Variants in ANK2 observed in about 807,000 individuals in gnomAD.
ANK2 encodes the protein ankyrin-2.
A neutral mutation model predicts 360.5 loss-of-function variants in ANK2; 83 were observed. The ratio of observed to expected loss-of-function variants is 0.23; its 90% CI spans 0.19 to 0.28. The LOEUF (loss-of-function observed/expected upper bound fraction) is 0.28, where lower values mean the gene tolerates loss of function less well. Ranked by LOEUF, ANK2 falls within the 10% of genes least tolerant of loss-of-function variation. The pLI, the probability that ANK2 is intolerant of heterozygous loss-of-function variation, is 1.00. For synonymous variants in ANK2, 1,740 were observed against 1,759.5 expected (o/e 0.99, Z 0.28); for missense variants, 4,201 against 4,795.7 (o/e 0.88, Z 3.66).
intron 1 of ANK2, chr4:113,151,222 A>G: frequency 1.0e-6 from 1 of 977,792 alleles, no homozygotes; most frequent in Non-Finnish European, 1.4e-6. Context: ...ATGTACCCTT[A>G]CTGCAATTGC....
intron 1 of ANK2, among the ~76,000 whole-genome samples, chr4:113,097,877 C>A: frequency 7.6e-6 from 1 of 131,788 alleles, no homozygotes; most frequent in Non-Finnish European, 1.6e-5. Context: ...TATATATATG[C>A]ACACACACAC....
rs553453775 is a variant in ANK2 at position 113,209,726 on chromosome 4, G to A, written c.384+10617G>A. Among the ~76,000 whole-genome samples, 3 of 152,112 alleles carry A rather than the reference G, an allele frequency of 2.0e-5. No individual in the cohort carries two copies. The South Asian group carries it at 6.2e-4, about 32-fold the overall frequency. On this transcript the variant is annotated intron_variant, in intron 4 of 45. Coordinates refer to ENST00000357077, the MANE Select transcript of ANK2 (RefSeq NM_001148.6). Reference sequence around the variant, plus strand: ...GCAAAATTGTAAATCAAAACATGGAGGTTCCACATTGGTTTTGGCCTAAAA... The same window carrying A: ...GCAAAATTGTAAATCAAAACATGGAAGTTCCACATTGGTTTTGGCCTAAAA...
chr4:113,357,736 G>A lies in ANK2; in HGVS notation c.9118G>A (p.Val3040Met). The change falls in exon 38 of 46, where the codon GTG becomes ATG. Residue 3040 changes from valine to methionine, a missense_variant. This residue lies in a region of ANK2 where 2,642 missense variants were observed against 2,714.5 expected (regional missense o/e 0.97). Coordinates refer to ENST00000357077, the MANE Select transcript of ANK2 (RefSeq NM_001148.6). ...ISKVIITKTDVDSDSWSEIRE... is the reference protein window; with the variant it reads ...ISKVIITKTDMDSDSWSEIRE... ...CAAAGTCATCATCACAAAAACTGAT[G>A]TGGATTCTGATTCTTGGAGTGAAAT... The A allele has an allele frequency of 1.9e-6, 3 of 1,614,092 alleles. No individual in the cohort carries two copies. Among genetic ancestry groups the A allele is most frequent in the East Asian group, 2.2e-5 (1 of 44,886 alleles).
chr4:112,919,294 C>T (rs1484697129), intron 2 of ANK2, among the ~76,000 whole-genome samples: 1 of 152,082 alleles, frequency 6.6e-6, no homozygotes, highest in African/African-American at 2.4e-5. Flanking sequence ...ATTAGCGTTA[C>T]TCAGCTTTTA....
chr4:113,244,417 A>G (rs565500436), intron 9 of ANK2, among the ~76,000 whole-genome samples: 1 of 152,282 alleles, frequency 6.6e-6, no homozygotes, highest in East Asian at 1.9e-4. Context: ...CAAAAAACAA[A>G]CAAAACCCTT....
chr4:113,135,383 A>G (rs2096336503), intron 1 of ANK2, among the ~76,000 whole-genome samples: 1 of 151,938 alleles, frequency 6.6e-6, no homozygotes, highest in Non-Finnish European at 1.5e-5. Flanking sequence ...TGATGGATCC[A>G]TCACTGGAAA....
intron 2 of ANK2, among the ~76,000 whole-genome samples, chr4:112,924,087 C>T (rs1263940531): frequency 2.0e-5 from 3 of 152,144 alleles, no homozygotes; most frequent in Non-Finnish European, 4.4e-5. Context: ...AAGATGTGAG[C>T]TGGCTGGCGC....
chr4:113,214,923 A>G (rs2153464273), intron 4 of ANK2, among the ~76,000 whole-genome samples: 1 of 152,304 alleles, frequency 6.6e-6, no homozygotes, highest in South Asian at 2.1e-4. Context: ...AACACATGTG[A>G]ACCAACAATG....
rs2097198106 is a variant in ANK2, at chr4:113,383,205, AC to A, written c.*1735del. 6.6e-6 allele frequency: 1 copy of A among 152,668 alleles called. No homozygotes were observed. Among genetic ancestry groups the A allele is most frequent in the African/African-American group, 2.4e-5 (1 of 41,456 alleles). 9.5% of individuals were successfully genotyped at this position (152,668 alleles called of 1,614,324 possible). A position where few individuals can be genotyped will look rare whatever the true frequency, so the allele number is the denominator to read the frequency against. On this transcript the variant is annotated 3_prime_UTR_variant, in exon 46 of 46. Transcript: ENST00000357077. ...TGACTCATTGCTCCGAATGTCAAAA[AC>A]AAATGCGACAAACAATGGCACTTCA...
chr4:112,988,147 T>A (rs977055003), intron 2 of ANK2, among the ~76,000 whole-genome samples: 2 of 152,134 alleles, frequency 1.3e-5, no homozygotes, highest in African/African-American at 2.4e-5. Flanking sequence ...AAATAAGATA[T>A]CTTTTAGAAA....
chr4:112,976,708 G>T (rs2041548000), intron 2 of ANK2, among the ~76,000 whole-genome samples: 1 of 151,618 alleles, frequency 6.6e-6, no homozygotes, highest in Non-Finnish European at 1.5e-5. Context: ...AACCAGAGAG[G>T]TTTGCACTTT....
At chr4:112,838,555 T>A (rs142053626) in intron 1 of ANK2, among the ~76,000 whole-genome samples, 15 of 152,306 alleles carry the variant, frequency 9.8e-5, no homozygotes, top group Non-Finnish European at 1.8e-4. Context: ...TGGTTTCCAG[T>A]TCATTGTTAG....
At chr4:113,203,639 A>T (rs1210897425) in intron 4 of ANK2, among the ~76,000 whole-genome samples, 1 of 152,184 alleles carries the variant, frequency 6.6e-6, no homozygotes, top group Non-Finnish European at 1.5e-5. Context: ...AACAGTAGAC[A>T]TTAATATTAA....
chr4:113,123,300 C>T (rs961570286), intron 1 of ANK2, among the ~76,000 whole-genome samples: 2 of 151,926 alleles, frequency 1.3e-5, no homozygotes, highest in Admixed American at 1.3e-4. Flanking sequence ...ATGATATTTA[C>T]ACTATATTTT....
the ANK2 span, among the ~76,000 whole-genome samples, chr4:112,793,502 C>G: frequency 6.6e-6 from 1 of 151,824 alleles, no homozygotes; most frequent in Non-Finnish European, 1.5e-5. Context: ...ACTCTGAAAA[C>G]CCCTGTTAAT....
intron 23 of ANK2, among the ~76,000 whole-genome samples, chr4:113,303,359 G>A (rs371126850): frequency 6.6e-5 from 10 of 152,184 alleles, no homozygotes; most frequent in African/African-American, 2.4e-4. Context: ...GCAGGAAGTA[G>A]TATAAATTCC....
intron 1 of ANK2, among the ~76,000 whole-genome samples, chr4:113,134,895 A>T (rs767010852): frequency 6.6e-6 from 1 of 152,200 alleles, no homozygotes; most frequent in Non-Finnish European, 1.5e-5. Flanking sequence ...ATGACCATAG[A>T]AACTTAAAAA....
intron 1 of ANK2, among the ~76,000 whole-genome samples, chr4:112,824,305 A>T (rs1399115737): frequency 2.0e-5 from 3 of 151,862 alleles, no homozygotes; most frequent in Non-Finnish European, 2.9e-5. Flanking sequence ...TCAGCCTCCC[A>T]GGTAACTAAG....
chr4:112,710,875 G>GAA, the ANK2 span, among the ~76,000 whole-genome samples: 1 of 148,954 alleles, frequency 6.7e-6, no homozygotes, highest in Non-Finnish European at 1.5e-5. Flanking sequence ...GAATGAATGG[G>GAA]TTAATGGAGA....
Sources: allele counts gnomAD v4.1 joint callset (sites outside exome capture counted in the v4.1 genomes callset), GRCh38; gene constraint gnomAD v4.1.1; regional missense constraint gnomAD v4.1.1; transcripts MANE v1.5; gene names NCBI Gene and HGNC (gene_info 2026-07-23, HGNC 2026-07-21).